Variants in PRLR observed in about 807,000 individuals in gnomAD.
PRLR encodes hPRL receptor.
Under a neutral mutation model 40.2 loss-of-function variants are expected in PRLR, and 13 were observed. The ratio of observed to expected loss-of-function variants is 0.32; its 90% CI spans 0.21 to 0.51. The LOEUF is 0.51. Ranked by LOEUF, PRLR falls within the 20% of genes least tolerant of loss-of-function variation. The probability of loss-of-function intolerance (pLI) is 0.97; values close to 1 mark genes in which losing one functional copy is unlikely to be tolerated. For synonymous variants in PRLR, 269 were observed against 278.7 expected (o/e 0.97, Z 0.35); for missense variants, 656 against 747.3 (o/e 0.88, Z 1.42).
intron 1 of PRLR, among the ~76,000 whole-genome samples, chr5:35,227,492 G>A (rs1461863338): frequency 1.3e-5 from 2 of 152,186 alleles, no homozygotes; most frequent in East Asian, 1.9e-4. Flanking sequence ...ATCTTGCTAT[G>A]AGAATTAATT....
Position 35,062,201 on chromosome 5 carries a change from G to C in PRLR, c.*2888C>G, listed in dbSNP as rs924315503. 7.9e-5 allele frequency: 12 copies of C among 152,272 alleles called. No individual in the cohort carries two copies. The highest frequency in any genetic ancestry group is 2.9e-4 in the African/African-American group (12 of 41,546). 9.4% of individuals were successfully genotyped at this position (152,272 alleles called of 1,614,324 possible). A position where few individuals can be genotyped will look rare whatever the true frequency, so the allele number is the denominator to read the frequency against. ...ATTTTTTGTTAGATTAGGATAGAAG[G>C]CATTGGTTGGGATTATCTTTGCAGA... On this transcript the variant is annotated 3_prime_UTR_variant, in exon 10 of 10. Transcript: ENST00000618457.
chr5:35,223,705 T>C (rs1408651705), intron 1 of PRLR, among the ~76,000 whole-genome samples: 1 of 152,266 alleles, frequency 6.6e-6, no homozygotes, highest in East Asian at 1.9e-4. Flanking sequence ...TTGCATCATT[T>C]ATGTAACACT....
At chr5:35,117,237 A>G (rs1050527589) in intron 2 of PRLR, among the ~76,000 whole-genome samples, 2 of 152,220 alleles carry the variant, frequency 1.3e-5, no homozygotes, top group Admixed American at 6.5e-5. Context: ...AGGGGCTATC[A>G]TGTTTCAATG....
chr5:35,199,621 A>G (rs1201898973), intron 1 of PRLR, among the ~76,000 whole-genome samples: 1 of 152,180 alleles, frequency 6.6e-6, no homozygotes, highest in Non-Finnish European at 1.5e-5. Context: ...TTCCCCCTTA[A>G]GTTGTACCTT....
intron 1 of PRLR, among the ~76,000 whole-genome samples, chr5:35,224,936 G>T (rs1171386399): frequency 6.8e-6 from 1 of 147,904 alleles, no homozygotes; most frequent in Non-Finnish European, 1.5e-5. Flanking sequence ...AGAAACCAAA[G>T]GTGGTCTTTT....
Position 35,064,543 on chromosome 5 carries a change from G to T in PRLR, c.*546C>A, listed in dbSNP as rs1043341237. The T allele has an allele frequency of 6.5e-6, 1 of 152,700 alleles. No individual in the cohort carries two copies. The highest frequency in any genetic ancestry group is 2.4e-5 in the African/African-American group (1 of 41,460). 9.5% of individuals were successfully genotyped at this position (152,700 alleles called of 1,614,324 possible). A position where few individuals can be genotyped will look rare whatever the true frequency, so the allele number is the denominator to read the frequency against. The stretch of plus-strand genomic sequence containing the variant: ...TATTTCTTACTTGCATATCAGCAAT[G>T]TGTCAGTAAGGTATAGGAACTTATG... On this transcript the variant is annotated 3_prime_UTR_variant, in exon 10 of 10. Coordinates refer to ENST00000618457, the MANE Select transcript of PRLR (RefSeq NM_000949.7).
rs150288177 is a variant in PRLR, at chr5:35,083,329, G to A, written c.373+1141C>T. On this transcript the variant is annotated intron_variant, in intron 5 of 9. Coordinates refer to ENST00000618457, the MANE Select transcript of PRLR (RefSeq NM_000949.7). ...CCATGACCGACACATCTGTGGTGGG[G>A]ACATGGAAGGCCATGCCAGAGAGCT... is the stretch of plus-strand genomic sequence containing the variant. Among the ~76,000 whole-genome samples the A allele has an allele frequency of 4.7e-3, 718 of 152,126 alleles. 2 individuals are homozygous for A. The highest frequency in any genetic ancestry group is 7.6e-3 in the Non-Finnish European group (519 of 67,996).
chr5:35,153,985 C>T (rs934055251), intron 1 of PRLR, among the ~76,000 whole-genome samples: 11 of 152,142 alleles, frequency 7.2e-5, no homozygotes, highest in Admixed American at 5.9e-4. Context: ...CAAAACCAAT[C>T]GCACAAAATA....
chr5:35,218,369 T>G (rs1339197559), intron 1 of PRLR, among the ~76,000 whole-genome samples: 1 of 152,170 alleles, frequency 6.6e-6, no homozygotes, highest in African/African-American at 2.4e-5. Flanking sequence ...CTATGGAAAC[T>G]GGAGCAAAAA....
intron 1 of PRLR, among the ~76,000 whole-genome samples, chr5:35,171,537 T>A (rs1398375256): frequency 3.9e-5 from 6 of 152,264 alleles, no homozygotes; most frequent in Middle Eastern, 3.4e-3. Context: ...AGAACAGATG[T>A]ACCTGGCTGT....
chr5:35,102,751 C>T (rs10447126), intron 2 of PRLR, among the ~76,000 whole-genome samples: 8,342 of 152,128 alleles, frequency 0.055, 546 homozygotes, highest in East Asian at 0.18. Context: ...CCATATTGGT[C>T]AGGCTGGTCT....
In PRLR at chr5:35,072,654, G is replaced by T. The variant is rs751900773; in HGVS notation, c.464C>A (p.Thr155Asn). Residue 155 changes from threonine (T) to asparagine (N), a missense_variant, in exon 6 of 10, where the codon ACC (threonine) becomes AAC (asparagine). This residue lies in a region of PRLR where 180 missense variants were observed against 236.8 expected (regional missense o/e 0.76). Coordinates refer to ENST00000618457, the MANE Select transcript of PRLR (RefSeq NM_000949.7). ...CCAACCAGTTTTTAAGTCAATCAGGGTAGGTGGAGACCATTTAATCCACAG... is the reference window on the plus strand; with the variant it reads ...CCAACCAGTTTTTAAGTCAATCAGGTTAGGTGGAGACCATTTAATCCACAG... ...PYLWIKWSPPTLIDLKTGWFT... is the reference protein window; with the variant it reads ...PYLWIKWSPPNLIDLKTGWFT... The T allele has an allele frequency of 5.0e-6, 8 of 1,614,122 alleles. No homozygotes were observed. Among genetic ancestry groups the T allele is most frequent in the East Asian group, 4.5e-5 (2 of 44,876 alleles).
intron 1 of PRLR, among the ~76,000 whole-genome samples, chr5:35,223,995 A>G (rs1274665247): frequency 6.6e-6 from 1 of 152,194 alleles, no homozygotes. Flanking sequence ...TTGCTTAAAG[A>G]ACTCCAGATG....
chr5:35,116,800 T>C (rs1773050558), intron 2 of PRLR, among the ~76,000 whole-genome samples: 1 of 152,234 alleles, frequency 6.6e-6, no homozygotes, highest in Non-Finnish European at 1.5e-5. Flanking sequence ...ACACTTCTTC[T>C]GCAAGTATTT....
At chr5:35,122,742 C>T (rs1250441993) in intron 1 of PRLR, among the ~76,000 whole-genome samples, 1 of 152,152 alleles carries the variant, frequency 6.6e-6, no homozygotes, top group African/African-American at 2.4e-5. Flanking sequence ...GGAAGTTTAT[C>T]CAATAAAGCA....
chr5:35,112,390 C>T (rs1273113720), intron 2 of PRLR, among the ~76,000 whole-genome samples: 1 of 152,168 alleles, frequency 6.6e-6, no homozygotes, highest in African/African-American at 2.4e-5. Context: ...GTAGGGCTCT[C>T]TCTGAGAAGC....
intron 1 of PRLR, among the ~76,000 whole-genome samples, chr5:35,161,880 T>G (rs73766768): frequency 0.014 from 2,168 of 152,364 alleles, 57 homozygotes; most frequent in African/African-American, 0.05. Context: ...CTTTTCCTTG[T>G]GAGCCTTAAA....
At chr5:35,174,337 G>A (rs1011176847) in intron 1 of PRLR, among the ~76,000 whole-genome samples, 1 of 152,062 alleles carries the variant, frequency 6.6e-6, no homozygotes, top group Non-Finnish European at 1.5e-5. Context: ...CAATCCACCC[G>A]CCTCGGCCTC....
intron 2 of PRLR, among the ~76,000 whole-genome samples, chr5:35,104,396 G>A (rs749487709): frequency 3.3e-5 from 5 of 150,826 alleles, no homozygotes; most frequent in Admixed American, 6.6e-5. Flanking sequence ...TGCAGCCCAC[G>A]GAGTGTCAGT....
Sources: allele counts gnomAD v4.1 joint callset (sites outside exome capture counted in the v4.1 genomes callset), GRCh38; gene constraint gnomAD v4.1.1; regional missense constraint gnomAD v4.1.1; transcripts MANE v1.5; gene names NCBI Gene and HGNC (gene_info 2026-07-23, HGNC 2026-07-21).